The following COLGALT2 variants were observed in gnomAD, a reference collection of about 807,000 sequenced individuals.
The protein encoded by COLGALT2 is procollagen galactosyltransferase 2.
COLGALT2 carries 49 observed loss-of-function variants against 73.4 expected under a neutral mutation model. The observed-to-expected ratio is 0.67, with a 90% CI of 0.53 to 0.85. The LOEUF is 0.85. COLGALT2 is among the 40% of genes least tolerant of loss of function. The probability of loss-of-function intolerance (pLI) is 0.00; values close to 1 mark genes in which losing one functional copy is unlikely to be tolerated. For synonymous variants in COLGALT2, 295 were observed against 307.6 expected (o/e 0.96, Z 0.43); for missense variants, 722 against 790.2 (o/e 0.91, Z 1.03).
intron 1 of COLGALT2, among the ~76,000 whole-genome samples, chr1:183,988,434 T>A (rs1435033043): frequency 6.6e-6 from 1 of 152,190 alleles, no homozygotes; most frequent in African/African-American, 2.4e-5. Flanking sequence ...ACCATCACCA[T>A]TATCCAATTC....
chr1:183,957,616 C>G (rs1421641486), intron 6 of COLGALT2, among the ~76,000 whole-genome samples: 1 of 152,128 alleles, frequency 6.6e-6, no homozygotes, highest in Non-Finnish European at 1.5e-5. Flanking sequence ...CTCAGTCTTT[C>G]CTATTCTAAT....
At chr1:183,933,289 A>G (rs1367126615), downstream of COLGALT2, among the ~76,000 whole-genome samples, 1 of 151,992 alleles carries the variant, frequency 6.6e-6, no homozygotes, top group Non-Finnish European at 1.5e-5. Context: ...TCTCTCCCAG[A>G]CTGTGCTCTG....
chr1:183,929,905 T>C, exon 12 of COLGALT2: 1 of 239,358 alleles, frequency 4.2e-6, no homozygotes, highest in Non-Finnish European at 8.4e-6. Context: ...GACAGTGTAA[T>C]GCAAGCCAGG....
chr1:183,991,607 T>A (rs760584862), intron 1 of COLGALT2, among the ~76,000 whole-genome samples: 1 of 152,124 alleles, frequency 6.6e-6, no homozygotes, highest in Admixed American at 6.5e-5. Flanking sequence ...GAGAGACAAA[T>A]GTTTGCTTTG....
chr1:183,978,580 C>G, intron 1 of COLGALT2, 60 bp from the exon 2 acceptor site: 1 of 1,007,738 alleles, frequency 9.9e-7, no homozygotes, highest in East Asian at 2.5e-5. Flanking sequence ...AGAGGGAAAT[C>G]CAAAAGACCC....
rs1158103320 is a variant in COLGALT2 at position 183,936,716 on chromosome 1, G to A, written c.*2045C>T. On this transcript the variant is annotated 3_prime_UTR_variant, in exon 12 of 12. Coordinates refer to ENST00000361927, the MANE Select transcript of COLGALT2 (RefSeq NM_015101.4). ...GGAATCACCTAAGGAATTTTCACTC[G>A]CTCCCCAGATGCTCTTTCTGTTTTT... 3.3e-6 allele frequency: 4 copies of A among 1,229,912 alleles called. No individual in the cohort carries two copies. The highest frequency in any genetic ancestry group is 3.0e-6 in the Non-Finnish European group (3 of 987,356). The allele number at this position is 1,229,912 out of a possible 1,614,324, so 76.2% of individuals were successfully genotyped here.
At chr1:183,992,285 C>A (rs1671650397) in intron 1 of COLGALT2, among the ~76,000 whole-genome samples, 1 of 152,164 alleles carries the variant, frequency 6.6e-6, no homozygotes, top group African/African-American at 2.4e-5. Context: ...GTCCCATCTA[C>A]CACTACTCTA....
chr1:183,997,275 A>G (rs891255547), intron 1 of COLGALT2, among the ~76,000 whole-genome samples: 2 of 152,248 alleles, frequency 1.3e-5, no homozygotes, highest in African/African-American at 4.8e-5. Context: ...ATGTCTTACT[A>G]TAAATTTTAC....
At chr1:183,962,197 T>C (rs562771546) in intron 6 of COLGALT2, among the ~76,000 whole-genome samples, 129 of 143,656 alleles carry the variant, frequency 9.0e-4, no homozygotes, top group African/African-American at 2.9e-3. Flanking sequence ...TCTCACTCTG[T>C]CACTCAGGCT....
intron 10 of COLGALT2, among the ~76,000 whole-genome samples, chr1:183,941,247 A>G (rs1488174206): frequency 1.3e-5 from 2 of 152,176 alleles, no homozygotes; most frequent in African/African-American, 2.4e-5. Context: ...CACAGGACCA[A>G]ATAAGCTGGG....
chr1:184,011,917 A>G (rs1648810858), intron 1 of COLGALT2, among the ~76,000 whole-genome samples: 1 of 152,244 alleles, frequency 6.6e-6, no homozygotes, highest in African/African-American at 2.4e-5. Context: ...GGCTTTTACC[A>G]TAGAATATTT....
At chr1:183,979,485 G>C (rs1466527261) in intron 1 of COLGALT2, among the ~76,000 whole-genome samples, 4 of 152,010 alleles carry the variant, frequency 2.6e-5, no homozygotes, top group Non-Finnish European at 2.9e-5. Flanking sequence ...TATTACAGGG[G>C]TTGGCAAACT....
chr1:184,032,619 G>A (rs914967116), intron 1 of COLGALT2, among the ~76,000 whole-genome samples: 4 of 152,130 alleles, frequency 2.6e-5, no homozygotes, highest in Non-Finnish European at 5.9e-5. Context: ...AAAAAGGTGA[G>A]GAAAACAGAC....
intron 1 of COLGALT2, among the ~76,000 whole-genome samples, chr1:184,028,083 A>C (rs1026792379): frequency 6.6e-6 from 1 of 152,178 alleles, no homozygotes; most frequent in African/African-American, 2.4e-5. Context: ...GGTGTAAACC[A>C]TAATCATTGT....
chr1:183,963,582 T>C (rs1345895559), intron 6 of COLGALT2, among the ~76,000 whole-genome samples: 2 of 152,202 alleles, frequency 1.3e-5, no homozygotes, highest in Non-Finnish European at 2.9e-5. Context: ...CAAAGTCATA[T>C]AATTAGAAAG....
chr1:184,036,596 T>G (rs1572692685), intron 1 of COLGALT2, among the ~76,000 whole-genome samples: 1 of 152,152 alleles, frequency 6.6e-6, no homozygotes, highest in South Asian at 2.1e-4. Flanking sequence ...CACCGGAAAG[T>G]CAGAGCAGCG....
chr1:184,035,442 G>A (rs1649643220), intron 1 of COLGALT2, among the ~76,000 whole-genome samples: 1 of 152,234 alleles, frequency 6.6e-6, no homozygotes, highest in Non-Finnish European at 1.5e-5. Flanking sequence ...GTGGCCTTGG[G>A]TTCAAATTCC....
In COLGALT2 at chr1:183,938,999, T is replaced by C. The variant is rs1572625698; in HGVS notation, c.1643A>G (p.Lys548Arg). 2 of 1,614,034 alleles carry C rather than the reference T, an allele frequency of 1.2e-6. No homozygotes were observed. The highest frequency in any genetic ancestry group is 4.5e-5 in the East Asian group (2 of 44,874). ...YKEYYESRDL[K>R]AFSAEPLLIY... is the part of the protein sequence containing the mutation. ...GAGCAAGGGTTCTGCAGAGAAGGCT[T>C]TCAGGTCCCTGGATTCATAATACTC... Residue 548 changes from lysine (K) to arginine (R), a missense_variant, in exon 12 of 12, where the codon AAA becomes AGA. By Grantham distance (26) the Lys-to-Arg change is conservative (BLOSUM62 2). Transcript: ENST00000361927.
chr1:184,013,688 A>C (rs1236379795), intron 1 of COLGALT2, among the ~76,000 whole-genome samples: 1 of 152,160 alleles, frequency 6.6e-6, no homozygotes, highest in Non-Finnish European at 1.5e-5. Context: ...AATATGGCCA[A>C]GTTTTACCTA....
Sources: allele counts gnomAD v4.1 joint callset (sites outside exome capture counted in the v4.1 genomes callset), GRCh38; gene constraint gnomAD v4.1.1; transcripts MANE v1.5; gene names NCBI Gene and HGNC (gene_info 2026-07-23, HGNC 2026-07-21).